SYTL2: variants seen among roughly 807,000 people sequenced by gnomAD.
SYTL2 encodes the protein synaptotagmin-like protein 2.
SYTL2 carries 165 observed loss-of-function variants against 198.7 expected under a neutral mutation model. The ratio of observed to expected loss-of-function variants is 0.83; its 90% CI spans 0.73 to 0.94. The LOEUF (loss-of-function observed/expected upper bound fraction) is 0.94. SYTL2 is among the 40% of genes least tolerant of loss of function. The probability of loss-of-function intolerance (pLI) is 0.00; values close to 1 mark genes in which losing one functional copy is unlikely to be tolerated. For synonymous variants in SYTL2, 966 were observed against 917.7 expected (o/e 1.05, Z -0.95); for missense variants, 2,835 against 2,582.8 (o/e 1.10, Z -2.12).
At chr11:85,742,841 G>C (rs971460843) in intron 4 of SYTL2, among the ~76,000 whole-genome samples, 1 of 152,142 alleles carries the variant, frequency 6.6e-6, no homozygotes, top group Non-Finnish European at 1.5e-5. Context: ...AGAAATGTGA[G>C]CATTCAGGGT....
chr11:85,695,630 T>C (rs2083303370), intron 19 of SYTL2, among the ~76,000 whole-genome samples: 1 of 152,200 alleles, frequency 6.6e-6, no homozygotes, highest in African/African-American at 2.4e-5. Flanking sequence ...CTGCACTGGG[T>C]TGGAGATGAC....
chr11:85,701,900 C>A (rs2084350483), intron 16 of SYTL2, among the ~76,000 whole-genome samples: 1 of 152,196 alleles, frequency 6.6e-6, no homozygotes, highest in African/African-American at 2.4e-5. Flanking sequence ...GTCTGACATT[C>A]TTCTCTGCTT....
intron 10 of SYTL2, chr11:85,718,459 C>T: frequency 3.9e-6 from 1 of 255,318 alleles, no homozygotes; most frequent in South Asian, 7.2e-5. Flanking sequence ...GAATTCACTC[C>T]ACTCTTCCTG....
At chr11:85,853,234 G>T in the SYTL2 span, 2 of 426,128 alleles carry the variant, frequency 4.7e-6, no homozygotes, top group South Asian at 1.6e-5. Context: ...GGAAATGTGG[G>T]GAAAAGATAG....
intron 1 of SYTL2, among the ~76,000 whole-genome samples, chr11:85,792,103 G>A (rs1304496246): frequency 6.6e-6 from 1 of 152,064 alleles, no homozygotes; most frequent in East Asian, 1.9e-4. Context: ...AAAAAAAATG[G>A]TTAGATGAGG....
the SYTL2 span, among the ~76,000 whole-genome samples, chr11:85,825,899 T>A: frequency 6.6e-6 from 1 of 152,222 alleles, no homozygotes; most frequent in South Asian, 2.1e-4. Flanking sequence ...ACGGAAATAT[T>A]ATTTTGTTAG....
At chr11:85,747,048 T>A (rs1156716293) in intron 3 of SYTL2, among the ~76,000 whole-genome samples, 1 of 152,206 alleles carries the variant, frequency 6.6e-6, no homozygotes, top group African/African-American at 2.4e-5. Context: ...TTTTCCTTAT[T>A]GAGTACAGGG....
chr11:85,708,129 G>A, intron 14 of SYTL2: 1 of 435,872 alleles, frequency 2.3e-6, no homozygotes, highest in Middle Eastern at 3.7e-4. Flanking sequence ...TGCCAGCCTG[G>A]GCAACAACAG....
At chr11:85,755,523 G>C (rs925569486) in intron 2 of SYTL2, among the ~76,000 whole-genome samples, 1 of 152,198 alleles carries the variant, frequency 6.6e-6, no homozygotes, top group African/African-American at 2.4e-5. Flanking sequence ...GACAGAAGGA[G>C]TGTCTGCAAC....
At chr11:85,716,263 C>T (rs1371314949) in intron 11 of SYTL2, 1 of 152,140 alleles carries the variant, frequency 6.6e-6, no homozygotes, top group Admixed American at 6.5e-5. Context: ...TCAAAAGTAA[C>T]TGGAAAAGCC....
Position 85,724,359 on chromosome 11 carries a change from G to A in SYTL2, c.4999C>T (p.Leu1667Phe), listed in dbSNP as rs1354465516. ...GTCCCTATTTCATGAGCCACATAAA[G>A]TTGTGGGGTTCTAGGGATCTCAACT... ...SGVEIPRTPQ[L>F]YVAHEIGTIK... is the part of the protein sequence containing the mutation. Residue 1667 changes from leucine to phenylalanine, a missense_variant, in exon 8 of 20, where the codon CTT (leucine) becomes TTT (phenylalanine). Transcript: ENST00000359152. 2 of 1,588,446 alleles carry A rather than the reference G, an allele frequency of 1.3e-6. No individual in the cohort carries two copies. Among genetic ancestry groups the A allele is most frequent in the African/African-American group, 2.7e-5 (2 of 73,768 alleles).
At chr11:85,718,993 C>A (rs1591706963) in intron 9 of SYTL2, 150 bp from the exon 10 acceptor site, 1 of 1,532,248 alleles carries the variant, frequency 6.5e-7, no homozygotes, top group East Asian at 2.5e-5. Flanking sequence ...AAAATACTTT[C>A]TCTTTAGATT....
At chr11:85,853,049 C>A in the SYTL2 span, 1 of 297,984 alleles carries the variant, frequency 3.4e-6, no homozygotes, top group Non-Finnish European at 6.6e-6. Flanking sequence ...AAGTGAGGAG[C>A]GCCTCCGCCC....
chr11:85,843,653 C>A, the SYTL2 span, among the ~76,000 whole-genome samples: 10 of 152,284 alleles, frequency 6.6e-5, no homozygotes, highest in Admixed American at 5.9e-4. Flanking sequence ...TCTCTGGTTA[C>A]ATGGGAAATG....
At chr11:85,709,186 A>G (rs547267291) in intron 14 of SYTL2, 145 bp downstream of exon 14, 23 of 783,722 alleles carry the variant, frequency 2.9e-5, no homozygotes, top group Admixed American at 9.5e-5. Context: ...AATTTATAGA[A>G]TAAAACAGCA....
intron 7 of SYTL2, among the ~76,000 whole-genome samples, chr11:85,732,540 A>C (rs1389099382): frequency 6.6e-6 from 1 of 152,098 alleles, no homozygotes; most frequent in African/African-American, 2.4e-5. Context: ...GGAGTTCAAC[A>C]ATGAGAACAC....
chr11:85,826,883 G>A, the SYTL2 span, among the ~76,000 whole-genome samples: 1 of 152,230 alleles, frequency 6.6e-6, no homozygotes, highest in Admixed American at 6.5e-5. Context: ...GTGGGAAAGT[G>A]AAATTTCAGG....
Position 85,734,134 on chromosome 11 carries a change from T to G in SYTL2, c.1195A>C (p.Ser399Arg). Residue 399 changes from serine (S) to arginine (R), a missense_variant, in exon 7 of 20, where the codon AGC becomes CGC. Physicochemically the swap from Ser to Arg is moderately radical, Grantham distance 110. Around this residue, in one of 3 missense-constraint regions of SYTL2, gnomAD observed 2,645 missense variants for 2,381.7 expected, o/e 1.11. Transcript: ENST00000359152. ...GTTTCACTTTTTGATACATATGGGC[T>G]TGAGGTTGATTGATGAAAAAGCGAA... ...KPSLFHQSTS[S>R]PYVSKSETHQ... The G allele has an allele frequency of 6.2e-7, 1 of 1,614,194 alleles. No individual in the cohort carries two copies. The highest frequency in any genetic ancestry group is 8.5e-7 in the Non-Finnish European group (1 of 1,180,014).
chr11:85,843,655 T>C, the SYTL2 span, among the ~76,000 whole-genome samples: 1 of 152,182 alleles, frequency 6.6e-6, no homozygotes, highest in African/African-American at 2.4e-5. Context: ...TCTGGTTACA[T>C]GGGAAATGTG....
Sources: allele counts gnomAD v4.1 joint callset (sites outside exome capture counted in the v4.1 genomes callset), GRCh38; gene constraint gnomAD v4.1.1; regional missense constraint gnomAD v4.1.1; transcripts MANE v1.5; gene names NCBI Gene and HGNC (gene_info 2026-07-23, HGNC 2026-07-21).